Variants in SPECC1L observed in about 807,000 individuals in gnomAD.
SPECC1L encodes the protein sperm antigen with calponin homology and coiled-coil domains 1 like, also known as cytospin-A.
In SPECC1L, 40 loss-of-function variants were observed where a neutral mutation model predicts 116.8. That is an observed-to-expected ratio of 0.34 (90% CI 0.27 to 0.45). The LOEUF is 0.45. SPECC1L is among the 20% of genes least tolerant of loss of function. The pLI, the probability that SPECC1L is intolerant of heterozygous loss-of-function variation, is 1.00. For missense variants in SPECC1L, 1,110 were observed against 1,373.6 expected, an observed-to-expected ratio of 0.81 and a Z score of 3.03; for synonymous variants, 504 against 500.6, an observed-to-expected ratio of 1.01 and a Z score of -0.09.
chr22:24,354,827 A>G (rs1372018101), intron 11 of SPECC1L, among the ~76,000 whole-genome samples: 4 of 151,822 alleles, frequency 2.6e-5, no homozygotes, highest in Non-Finnish European at 1.5e-5. Context: ...ACACCTGGCT[A>G]ATTTTTTTGT....
chr22:24,391,164 T>A (rs1345753156), intron 14 of SPECC1L, among the ~76,000 whole-genome samples: 1 of 152,006 alleles, frequency 6.6e-6, no homozygotes, highest in Non-Finnish European at 1.5e-5. Flanking sequence ...TGTGAGCCAC[T>A]GCGCCCGGCC....
chr22:24,276,848 A>G, intron 2 of SPECC1L, 45 bp downstream of exon 2: 3 of 440,530 alleles, frequency 6.8e-6, no homozygotes, highest in Non-Finnish European at 1.4e-5. Context: ...TCTCCTTAAT[A>G]TATTCTCTTG....
chr22:24,273,793 T>C (rs1397830970), intron 1 of SPECC1L, among the ~76,000 whole-genome samples: 1 of 152,214 alleles, frequency 6.6e-6, no homozygotes, highest in Non-Finnish European at 1.5e-5. Context: ...AGTTTCGCTC[T>C]TGTTGCCCAG....
intron 2 of SPECC1L, among the ~76,000 whole-genome samples, chr22:24,287,679 C>T (rs2049067783): frequency 6.6e-6 from 1 of 152,050 alleles, no homozygotes; most frequent in Admixed American, 6.6e-5. Flanking sequence ...TGGAGGTGCC[C>T]CTATTCAGAC....
In SPECC1L at chr22:24,324,128, G is replaced by C. The variant is rs572113918; in HGVS notation, c.1939-92G>C. On this transcript the variant is annotated intron_variant, in intron 5 of 16. Coordinates refer to ENST00000314328, the MANE Select transcript of SPECC1L (RefSeq NM_015330.6). ...GTTTATCCATAGTGCCTCATACTTA[G>C]CTCCCCTTGGAAACTGTGTGTACCT... 44 of 1,030,028 alleles carry C rather than the reference G, an allele frequency of 4.3e-5. No individual in the cohort carries two copies. In the South Asian group the frequency reaches 5.4e-4, roughly 13 times the overall value. The allele number at this position is 1,030,028 out of a possible 1,614,324, so 63.8% of individuals were successfully genotyped here. A position where few individuals can be genotyped will look rare whatever the true frequency, so the allele number is the denominator to read the frequency against.
intron 2 of SPECC1L, among the ~76,000 whole-genome samples, chr22:24,296,670 G>A (rs889363511): frequency 6.6e-6 from 1 of 151,900 alleles, no homozygotes; most frequent in Non-Finnish European, 1.5e-5. Flanking sequence ...ATCTCTGCCT[G>A]GGGGGGCTCT....
intron 11 of SPECC1L, among the ~76,000 whole-genome samples, chr22:24,356,139 T>G (rs2041528362): frequency 6.6e-6 from 1 of 152,206 alleles, no homozygotes; most frequent in Admixed American, 6.5e-5. Flanking sequence ...CATGTTTTTA[T>G]TTTGCTGTTA....
intron 2 of SPECC1L, among the ~76,000 whole-genome samples, chr22:24,294,734 C>T (rs1239607778): frequency 6.6e-6 from 1 of 152,034 alleles, no homozygotes; most frequent in East Asian, 1.9e-4. Flanking sequence ...ACTAGGTTCC[C>T]AGAGAATTGG....
intron 2 of SPECC1L, among the ~76,000 whole-genome samples, chr22:24,296,225 C>G (rs2049259026): frequency 6.6e-6 from 1 of 152,286 alleles, no homozygotes; most frequent in African/African-American, 2.4e-5. Context: ...TCCTTAGTTC[C>G]TTCATCTAGA....
chr22:24,388,535 G>A (rs921138098), intron 14 of SPECC1L, among the ~76,000 whole-genome samples: 181 of 151,874 alleles, frequency 1.2e-3, no homozygotes, highest in Admixed American at 1.9e-3. Flanking sequence ...GAATAGTGCC[G>A]CAATAAACAT....
At chr22:24,361,660 GTGGC>G (rs150456489) in intron 11 of SPECC1L, among the ~76,000 whole-genome samples, 2,146 of 152,092 alleles carry the variant, frequency 0.014, 56 homozygotes, top group African/African-American at 0.049. Context: ...GTCAGGTGTG[GTGGC>G]TCACACCTGT....
chr22:24,384,312 A>C (rs1366409439), intron 14 of SPECC1L, among the ~76,000 whole-genome samples: 4 of 152,220 alleles, frequency 2.6e-5, no homozygotes, highest in Non-Finnish European at 1.5e-5. Flanking sequence ...TAACAGAAAG[A>C]GGATTTGTCA....
At chr22:24,355,142 G>A (rs1184119980) in intron 11 of SPECC1L, among the ~76,000 whole-genome samples, 1 of 151,692 alleles carries the variant, frequency 6.6e-6, no homozygotes. Context: ...AATTAGCTGA[G>A]CGTGGTGGTG....
At position 24,390,872 on chromosome 22, in the gene SPECC1L, C is replaced by CTTTTCT. The variant is rs2042253331; in HGVS notation, c.3088-20712_3088-20711insCTTTTT. 2.8e-3 allele frequency among the ~76,000 whole-genome samples: 160 copies of CTTTTCT among 57,154 alleles called. 10 individuals carry two copies. Among genetic ancestry groups the CTTTTCT allele is most frequent in the African/African-American group, 0.012 (159 of 13,244 alleles). 37.5% of individuals were successfully genotyped at this position (57,154 alleles called of 152,430 possible). A position where few individuals can be genotyped will look rare whatever the true frequency, so the allele number is the denominator to read the frequency against. ...TGTTCCTTTTTTTTTTTTTTCTTTT[C>CTTTTCT]TTTTTTTTTTTTTTTTTTTTTTTTT... On this transcript the variant is annotated intron_variant, in intron 14 of 16. Coordinates refer to ENST00000314328, the MANE Select transcript of SPECC1L (RefSeq NM_015330.6).
intron 9 of SPECC1L, among the ~76,000 whole-genome samples, chr22:24,336,993 T>G (rs1022151035): frequency 3.9e-5 from 6 of 152,204 alleles, no homozygotes; most frequent in Admixed American, 6.5e-5. Flanking sequence ...AATGTAATGT[T>G]TTGATCTTGT....
At chr22:24,404,473 G>A (rs886409359) in intron 14 of SPECC1L, among the ~76,000 whole-genome samples, 2 of 152,160 alleles carry the variant, frequency 1.3e-5, no homozygotes, top group Admixed American at 6.5e-5. Context: ...CACCACCAGC[G>A]TCTGGTTCTG....
chr22:24,322,136 G>A lies in SPECC1L; in HGVS notation c.1156G>A (p.Gly386Arg), dbSNP rs200112322. 1.9e-6 allele frequency: 3 copies of A among 1,613,846 alleles called. No individual in the cohort carries two copies. Among genetic ancestry groups the A allele is most frequent in the African/African-American group, 2.7e-5 (2 of 74,932 alleles). Reference sequence around the variant, plus strand: ...AGAGCGCTCCCGGAAGGGGAGCAGCGGGAATGCCAGTGAAGTGTCCGTGGC... The same window carrying A: ...AGAGCGCTCCCGGAAGGGGAGCAGCAGGAATGCCAGTGAAGTGTCCGTGGC... ...SIERSRKGSS[G>R]NASEVSVACL... Residue 386 changes from glycine (G) to arginine (R), a missense_variant, in exon 5 of 17, where the codon GGG becomes AGG. This residue lies in a region of SPECC1L where 437 missense variants were observed against 482.6 expected (regional missense o/e 0.91). Transcript: ENST00000314328.
At chr22:24,337,703 C>A (rs545021618) in intron 9 of SPECC1L, among the ~76,000 whole-genome samples, 2 of 152,286 alleles carry the variant, frequency 1.3e-5, no homozygotes, top group African/African-American at 4.8e-5. Context: ...TCTTTCCACA[C>A]TGTGTGTTTG....
chr22:24,365,461 G>C lies in SPECC1L; in HGVS notation c.2828-15G>C. The C allele has an allele frequency of 3.1e-6, 5 of 1,613,506 alleles. No individual in the cohort carries two copies. Among genetic ancestry groups the C allele is most frequent in the African/African-American group, 1.3e-5 (1 of 75,016 alleles). On this transcript the variant is annotated splice_polypyrimidine_tract_variant and intron_variant, in intron 12 of 16. Transcript: ENST00000314328. ...ATGTTTTTGCTATAGAGTGCATAATGACTATTTCTCACAGTGTCTCGACGA... is the reference window on the plus strand; with the variant it reads ...ATGTTTTTGCTATAGAGTGCATAATCACTATTTCTCACAGTGTCTCGACGA...
Sources: gnomAD v4.1 joint callset for allele counts (sites outside exome capture counted in the v4.1 genomes callset) on GRCh38, gnomAD v4.1.1 for gene constraint, gnomAD v4.1.1 regional missense constraint, MANE v1.5 for transcripts, NCBI Gene and HGNC (gene_info 2026-07-23, HGNC 2026-07-21) for gene names.